Variants in TENM3 observed in about 807,000 individuals in gnomAD.
TENM3 encodes the protein teneurin-3.
In TENM3, 63 loss-of-function variants were observed where a neutral mutation model predicts 255.1. That is an observed-to-expected ratio of 0.25 (90% CI 0.20 to 0.30). The LOEUF is 0.30. Among genes scored for constraint, TENM3 ranks in the 10% least tolerant of loss-of-function variants. TENM3 has a pLI of 1.00. For missense variants in TENM3, 2,929 were observed against 3,461.1 expected (o/e 0.85, Z 3.86); for synonymous variants, 1,306 against 1,322.3 (o/e 0.99, Z 0.27).
chr4:182,615,763 A>C (rs71620935), intron 4 of TENM3, among the ~76,000 whole-genome samples: 3,236 of 152,252 alleles, frequency 0.021, 72 homozygotes, highest in East Asian at 0.095. Context: ...ACATAAAGCA[A>C]TGAAAAATGT....
chr4:181,473,595 AAAC>A, the TENM3 span, among the ~76,000 whole-genome samples: 1 of 151,966 alleles, frequency 6.6e-6, no homozygotes, highest in Non-Finnish European at 1.5e-5. Context: ...CTGTCTCAAA[AAAC>A]AACAACCAAA....
intron 1 of TENM3, among the ~76,000 whole-genome samples, chr4:182,274,035 A>T (rs1759830315): frequency 6.6e-6 from 1 of 152,234 alleles, no homozygotes; most frequent in Admixed American, 6.5e-5. Context: ...AATCAGCAAC[A>T]ATGTGAAAGA....
chr4:182,078,951 G>A, the TENM3 span, among the ~76,000 whole-genome samples: 11 of 152,248 alleles, frequency 7.2e-5, no homozygotes, highest in East Asian at 1.9e-3. Context: ...CTAAGCCTGG[G>A]AGTATTTTGA....
chr4:182,127,450 G>A, the TENM3 span, among the ~76,000 whole-genome samples: 4 of 152,152 alleles, frequency 2.6e-5, no homozygotes, highest in African/African-American at 9.7e-5. Flanking sequence ...GATGATTTAT[G>A]TAATGTTGCT....
chr4:182,434,326 A>C (rs72699998), intron 3 of TENM3, among the ~76,000 whole-genome samples: 11,489 of 152,206 alleles, frequency 0.075, 676 homozygotes, highest in East Asian at 0.22. Context: ...CTTGCTCTGC[A>C]TGTAGAACTT....
chr4:181,512,263 T>C, the TENM3 span, among the ~76,000 whole-genome samples: 1 of 152,104 alleles, frequency 6.6e-6, no homozygotes, highest in Non-Finnish European at 1.5e-5. Context: ...TGGTCATCTG[T>C]CTCCTAACAT....
At chr4:181,558,783 G>A in the TENM3 span, among the ~76,000 whole-genome samples, 9 of 152,110 alleles carry the variant, frequency 5.9e-5, no homozygotes, top group Non-Finnish European at 1.2e-4. Flanking sequence ...AAGATATTTG[G>A]GTTAATCAAA....
chr4:181,520,598 A>G, the TENM3 span, among the ~76,000 whole-genome samples: 5 of 152,188 alleles, frequency 3.3e-5, no homozygotes, highest in Admixed American at 2.0e-4. Context: ...AAAACCACTT[A>G]AATAGCTTTG....
the TENM3 span, among the ~76,000 whole-genome samples, chr4:181,645,064 G>T: frequency 6.6e-6 from 1 of 152,170 alleles, no homozygotes; most frequent in Non-Finnish European, 1.5e-5. Flanking sequence ...GTAGAATAAA[G>T]TGTTTTCCAA....
At chr4:181,817,120 C>T in the TENM3 span, among the ~76,000 whole-genome samples, 1 of 152,168 alleles carries the variant, frequency 6.6e-6, no homozygotes, top group Non-Finnish European at 1.5e-5. Flanking sequence ...AGGGCTGTGG[C>T]TGCTGCCTCC....
chr4:182,121,842 C>T, the TENM3 span, among the ~76,000 whole-genome samples: 4 of 152,252 alleles, frequency 2.6e-5, no homozygotes, highest in African/African-American at 9.6e-5. Flanking sequence ...CCATTGATTA[C>T]GTCTTCCTTT....
the TENM3 span, among the ~76,000 whole-genome samples, chr4:181,565,912 A>C: frequency 1.3e-5 from 2 of 152,218 alleles, no homozygotes; most frequent in Non-Finnish European, 2.9e-5. Flanking sequence ...AAAGTGCGGA[A>C]GTAATCACAA....
At chr4:181,922,255 A>G in the TENM3 span, among the ~76,000 whole-genome samples, 1 of 152,192 alleles carries the variant, frequency 6.6e-6, no homozygotes, top group Non-Finnish European at 1.5e-5. Context: ...TCACAAAATG[A>G]GTTAGGGAGG....
the TENM3 span, among the ~76,000 whole-genome samples, chr4:181,978,799 AAACTTAGG>A: frequency 2.6e-5 from 4 of 151,772 alleles, no homozygotes; most frequent in East Asian, 7.8e-4. Context: ...TCACTATCTG[AAACTTAGG>A]AACGTATGAA....
chr4:181,605,556 A>AAG, the TENM3 span, among the ~76,000 whole-genome samples: 142 of 30,506 alleles, frequency 4.7e-3, 9 homozygotes, highest in African/African-American at 0.011. Context: ...GAAAGAAAGA[A>AAG]AGAAAGAAAG....
At chr4:182,001,440 A>T in the TENM3 span, among the ~76,000 whole-genome samples, 565 of 152,130 alleles carry the variant, frequency 3.7e-3, 7 homozygotes, top group Admixed American at 0.033. Context: ...ATTAAATGGA[A>T]CCTGCCTCCA....
the TENM3 span, among the ~76,000 whole-genome samples, chr4:181,463,710 T>C: frequency 6.6e-6 from 1 of 152,182 alleles, no homozygotes; most frequent in Non-Finnish European, 1.5e-5. Flanking sequence ...GTGGTTAGCA[T>C]TTCCACAGGG....
At chr4:182,676,990 CCTCTT>C (rs1755717524) in intron 7 of TENM3, among the ~76,000 whole-genome samples, 1 of 152,178 alleles carries the variant, frequency 6.6e-6, no homozygotes, top group South Asian at 2.1e-4. Context: ...TCCTAAGACT[CCTCTT>C]CTCCCCAAAA....
At chr4:181,648,109 C>G in the TENM3 span, among the ~76,000 whole-genome samples, 1 of 152,126 alleles carries the variant, frequency 6.6e-6, no homozygotes, top group Admixed American at 6.6e-5. Flanking sequence ...GGACTTGCGT[C>G]TTCTGGAGCA....
Sources: gnomAD v4.1 joint callset for allele counts (sites outside exome capture counted in the v4.1 genomes callset) on GRCh38, gnomAD v4.1.1 for gene constraint, MANE v1.5 for transcripts, NCBI Gene and HGNC (gene_info 2026-07-23, HGNC 2026-07-21) for gene names.